Variants in BRD3 observed in about 807,000 individuals in gnomAD.
BRD3 encodes bromodomain-containing protein 3.
A neutral mutation model predicts 66.8 loss-of-function variants in BRD3; 17 were observed. The ratio of observed to expected loss-of-function variants is 0.25; its 90% CI spans 0.17 to 0.38. The LOEUF (loss-of-function observed/expected upper bound fraction) is 0.38. Among genes scored for constraint, BRD3 ranks in the 10% least tolerant of loss-of-function variants. The pLI, the probability that BRD3 is intolerant of heterozygous loss-of-function variation, is 1.00. For missense variants in BRD3, 713 were observed against 956.1 expected (o/e 0.75, Z 3.35); for synonymous variants, 421 against 393.2 (o/e 1.07, Z -0.84).
intron 1 of BRD3, among the ~76,000 whole-genome samples, chr9:134,065,723 A>G (rs972037183): frequency 6.6e-6 from 1 of 152,126 alleles, no homozygotes; most frequent in African/African-American, 2.4e-5. Context: ...TTTTGTGCCA[A>G]TCACCCCACT....
chr9:134,050,094 A>T (rs1038284087), intron 5 of BRD3, among the ~76,000 whole-genome samples: 1 of 152,000 alleles, frequency 6.6e-6, no homozygotes, highest in Non-Finnish European at 1.5e-5. Flanking sequence ...CAACTTCCCC[A>T]CCTTGACCAA....
intron 1 of BRD3, among the ~76,000 whole-genome samples, chr9:134,067,167 C>G (rs1321914450): frequency 6.6e-6 from 1 of 152,240 alleles, no homozygotes; most frequent in Non-Finnish European, 1.5e-5. Flanking sequence ...GAAGCACCCC[C>G]GTCCCTCCCG....
chr9:134,053,720 T>C lies in BRD3; in HGVS notation c.-113-130A>G, dbSNP rs150746569. On this transcript the variant is annotated intron_variant, in intron 1 of 11. Transcript: ENST00000303407. Reference sequence around the variant, plus strand: ...GGCCTGCTCCACTCACTCACCCCCATTGCCCAGCCACCCAGGTGAGAGGCT... The same window carrying C: ...GGCCTGCTCCACTCACTCACCCCCACTGCCCAGCCACCCAGGTGAGAGGCT... 1.5e-3 allele frequency: 1,194 copies of C among 770,492 alleles called. 17 individuals carry two copies. The East Asian group carries it at 0.032, about 21-fold the overall frequency. The allele number at this position is 770,492 out of a possible 1,614,324, so 47.7% of individuals were successfully genotyped here.
intron 1 of BRD3, among the ~76,000 whole-genome samples, chr9:134,063,568 T>C (rs1830587311): frequency 1.3e-5 from 2 of 152,204 alleles, no homozygotes; most frequent in African/African-American, 2.4e-5. Context: ...GCTACAATAC[T>C]CAGCACTCCT....
rs572911090 is a variant in BRD3, at chr9:134,050,738, C to G, written c.500-150G>C. On this transcript the variant is annotated intron_variant, in intron 4 of 11. Transcript: ENST00000303407. The stretch of plus-strand genomic sequence containing the variant: ...GAACCCTCCATGCTGAGATGCCCCC[C>G]ATCCTGCATCTTGGGGGCAGGGTTG... The G allele has an allele frequency of 7.9e-5, 52 of 656,026 alleles. No individual in the cohort carries two copies. In the South Asian group the frequency reaches 1.0e-3, roughly 13 times the overall value. The allele number at this position is 656,026 out of a possible 1,614,324, so 40.6% of individuals were successfully genotyped here.
intron 1 of BRD3, among the ~76,000 whole-genome samples, chr9:134,065,520 G>A (rs368171311): frequency 2.0e-5 from 3 of 152,030 alleles, no homozygotes; most frequent in Admixed American, 6.5e-5. Context: ...GAAGCAAGAG[G>A]AGGATCCTCT....
At position 134,060,329 on chromosome 9, in the gene BRD3, A is replaced by C. The variant is rs1124317; in HGVS notation, c.-113-6739T>G. Among the ~76,000 whole-genome samples, 650 of 152,176 alleles carry C rather than the reference A, an allele frequency of 4.3e-3. 8 individuals carry two copies. The highest frequency in any genetic ancestry group is 0.014 in the African/African-American group (602 of 41,522). ...AGAAAGACCCAGGCCATGCGCAGTG[A>C]CTCAGGCCTGTGACCCCAGCACCTT... On this transcript the variant is annotated intron_variant, in intron 1 of 11. Coordinates refer to ENST00000303407, the MANE Select transcript of BRD3 (RefSeq NM_007371.4).
chr9:134,067,992 G>C lies in BRD3; in HGVS notation c.-161C>G, dbSNP rs1466186666. 1.4e-5 allele frequency: 2 copies of C among 141,470 alleles called. No homozygotes were observed. The highest frequency in any genetic ancestry group is 2.1e-4 in the South Asian group (1 of 4,852). 8.8% of individuals were successfully genotyped at this position (141,470 alleles called of 1,614,324 possible). A position where few individuals can be genotyped will look rare whatever the true frequency, so the allele number is the denominator to read the frequency against. ...CGTCCCCTCCCGGCCCGCGCGGCCG[G>C]CTCCTCTTTGGCTCGCCGGCCCCGG... On this transcript the variant is annotated 5_prime_UTR_variant, in exon 1 of 12. Coordinates refer to ENST00000303407, the MANE Select transcript of BRD3 (RefSeq NM_007371.4).
Position 134,031,276 on chromosome 9 carries a change from G to A in BRD3, c.*2314C>T, listed in dbSNP as rs141565554. 3.3e-5 allele frequency: 7 copies of A among 209,020 alleles called. No homozygotes were observed. The highest frequency in any genetic ancestry group is 9.1e-5 in the African/African-American group (4 of 43,898). The allele number at this position is 209,020 out of a possible 1,614,324, so 12.9% of individuals were successfully genotyped here. On this transcript the variant is annotated 3_prime_UTR_variant, in exon 12 of 12. Transcript: ENST00000303407. ...CCCCACAGCCGGCCGCTCCCCCGAC[G>A]GCTCACACAGGCAGCACCTCACTGC...
chr9:134,035,589 T>C lies in BRD3; in HGVS notation c.1936+443A>G, dbSNP rs1211329400. Among the ~76,000 whole-genome samples the C allele has an allele frequency of 3.3e-5, 5 of 152,232 alleles. No individual in the cohort carries two copies. In the East Asian group the frequency reaches 7.7e-4, roughly 24 times the overall value. ...AGTCAAAGGGAGGGTGTCCTTGTTA[T>C]AAGACAAGCTGGTCTGCCCTGCAAG... On this transcript the variant is annotated intron_variant, in intron 10 of 11. Coordinates refer to ENST00000303407, the MANE Select transcript of BRD3 (RefSeq NM_007371.4).
At chr9:134,068,050 C>T (rs1483744354), upstream of BRD3, 2 of 145,072 alleles carry the variant, frequency 1.4e-5, no homozygotes, top group African/African-American at 4.9e-5. Flanking sequence ...CCGAGCAGGG[C>T]TCATGCGCTG....
chr9:134,035,939 G>A (rs1439799330), intron 10 of BRD3, 93 bp downstream of exon 10: 3 of 1,477,986 alleles, frequency 2.0e-6, no homozygotes, highest in African/African-American at 2.8e-5. Context: ...CTGTGCCCAA[G>A]CTCGCCGCAC....
At chr9:134,037,071 A>G (rs1829939519) in intron 9 of BRD3, among the ~76,000 whole-genome samples, 1 of 152,176 alleles carries the variant, frequency 6.6e-6, no homozygotes, top group South Asian at 2.1e-4. Context: ...AAAGGAAGAG[A>G]TGCTCAGGTT....
rs770307172 is a variant in BRD3, at chr9:134,048,425, T to C, written c.744A>G (p.Thr248=). The C allele has an allele frequency of 6.3e-7, 1 of 1,598,610 alleles. No individual in the cohort carries two copies. ...KKKGVKRKAD[T]TTPTTSAITA... ...TGATGGCCGACGTCGTGGGAGTGGT[T>C]GTGTCTGCTTTCCGCTTCACGCCCT... The change falls in exon 6 of 12, where the codon ACA becomes ACG. Residue 248 remains threonine (T), a synonymous_variant. Transcript: ENST00000303407.
At chr9:134,036,731 G>T in intron 9 of BRD3, 1 of 817,382 alleles carries the variant, frequency 1.2e-6, no homozygotes, top group Non-Finnish European at 2.0e-6. Flanking sequence ...GTCTAGGGCC[G>T]GGCGCGGTGG....
At chr9:134,051,897 T>TG (rs1564555960) in intron 3 of BRD3, among the ~76,000 whole-genome samples, 188 bp from the exon 4 acceptor site, 6 of 133,610 alleles carry the variant, frequency 4.5e-5, no homozygotes, top group African/African-American at 1.9e-4. Context: ...TTGTTTTTTT[T>TG]TTTTTTTTTT....
intron 1 of BRD3, among the ~76,000 whole-genome samples, chr9:134,059,375 C>T (rs117825752): frequency 6.6e-6 from 1 of 152,266 alleles, no homozygotes; most frequent in East Asian, 1.9e-4. Flanking sequence ...GGGAATAAGC[C>T]GACGGGACTC....
At chr9:134,049,510 G>A (rs1230414403) in intron 5 of BRD3, among the ~76,000 whole-genome samples, 1 of 152,230 alleles carries the variant, frequency 6.6e-6, no homozygotes, top group African/African-American at 2.4e-5. Context: ...CGCCAGGCGC[G>A]TGCCGCACAG....
At position 134,032,099 on chromosome 9, in the gene BRD3, G is replaced by A. The variant is rs114367019; in HGVS notation, c.*1491C>T. ...GAGGCTAACTCTGGCATTCCTGGCCGGAGCCGCCATGCTCATTGGTGGGCC... is the reference window on the plus strand; with the variant it reads ...GAGGCTAACTCTGGCATTCCTGGCCAGAGCCGCCATGCTCATTGGTGGGCC... On this transcript the variant is annotated 3_prime_UTR_variant, in exon 12 of 12. Coordinates refer to ENST00000303407, the MANE Select transcript of BRD3 (RefSeq NM_007371.4). 5,704 of 217,992 alleles carry A rather than the reference G, an allele frequency of 0.026. 336 individuals carry two copies. Among genetic ancestry groups the A allele is most frequent in the African/African-American group, 0.12 (5,167 of 44,378 alleles). 13.5% of individuals were successfully genotyped at this position (217,992 alleles called of 1,614,324 possible). A position where few individuals can be genotyped will look rare whatever the true frequency, so the allele number is the denominator to read the frequency against.
Sources: allele counts gnomAD v4.1 joint callset (sites outside exome capture counted in the v4.1 genomes callset), GRCh38; gene constraint gnomAD v4.1.1; transcripts MANE v1.5; gene names NCBI Gene and HGNC (gene_info 2026-07-23, HGNC 2026-07-21).